The following DYNC2H1 variants were observed in gnomAD, a reference collection of about 807,000 sequenced individuals.
DYNC2H1 encodes cytoplasmic dynein 2 heavy chain 1.
Under a neutral mutation model 570.0 loss-of-function variants are expected in DYNC2H1, and 410 were observed. The observed-to-expected ratio is 0.72, with a 90% CI of 0.66 to 0.78. The LOEUF is 0.78. Among genes scored for constraint, DYNC2H1 ranks in the 30% least tolerant of loss-of-function variants. The pLI is 0.00. For synonymous variants in DYNC2H1, 1,688 were observed against 1,677.6 expected (o/e 1.01, Z -0.15); for missense variants, 4,865 against 5,046.4 (o/e 0.96, Z 1.09).
intron 5 of DYNC2H1, among the ~76,000 whole-genome samples, chr11:103,117,389 C>G (rs1226948951): frequency 6.6e-6 from 1 of 150,916 alleles, no homozygotes; most frequent in Non-Finnish European, 1.5e-5. Flanking sequence ...TATTTCTATA[C>G]TTAAAAGGTG....
At chr11:103,345,409 A>G (rs1487088630) in intron 82 of DYNC2H1, among the ~76,000 whole-genome samples, 1 of 152,110 alleles carries the variant, frequency 6.6e-6, no homozygotes, top group Non-Finnish European at 1.5e-5. Flanking sequence ...AATTGTTTTT[A>G]GTGGTTGTAC....
In DYNC2H1 at chr11:103,145,176, C is replaced by T. The variant is rs1164241932; in HGVS notation, c.2702+1781C>T. Among the ~76,000 whole-genome samples the T allele has an allele frequency of 2.2e-4, 34 of 152,006 alleles. No homozygotes were observed. The highest frequency in any genetic ancestry group is 4.1e-4 in the South Asian group (2 of 4,826). On this transcript the variant is annotated intron_variant, in intron 18 of 88. Coordinates refer to ENST00000375735, the MANE Select transcript of DYNC2H1 (RefSeq NM_001377.3). This position sits in a 1 kb window ranked among gnomAD's most constrained non-coding sequence, Gnocchi z 4.2. ...GATTACAGGCATGAACCACCATGCC[C>T]GGCCATAATAATTAATTGAATTATC...
chr11:103,195,817 A>C (rs1862489196), intron 47 of DYNC2H1, among the ~76,000 whole-genome samples: 1 of 152,108 alleles, frequency 6.6e-6, no homozygotes, highest in Admixed American at 6.6e-5. Flanking sequence ...TTCTTTCATT[A>C]GTTTTGTGTA....
At chr11:103,218,593 C>A (rs1035563065) in intron 55 of DYNC2H1, among the ~76,000 whole-genome samples, 1 of 151,986 alleles carries the variant, frequency 6.6e-6, no homozygotes, top group African/African-American at 2.4e-5. Context: ...CTGTTGATTA[C>A]CATGTGTTTA....
chr11:103,239,150 A>G lies in DYNC2H1; in HGVS notation c.9819+2611A>G, dbSNP rs960686136. On this transcript the variant is annotated intron_variant, in intron 63 of 88. Coordinates refer to ENST00000375735, the MANE Select transcript of DYNC2H1 (RefSeq NM_001377.3). This position sits in a 1 kb window ranked among gnomAD's most constrained non-coding sequence, Gnocchi z 4.3. ...TTATATGGGTTTTTCTTGTGATGAC[A>G]TCTATTGAATATTTGTGTTTTATTG... Among the ~76,000 whole-genome samples the G allele has an allele frequency of 2.0e-5, 3 of 152,200 alleles. No homozygotes were observed. Among genetic ancestry groups the G allele is most frequent in the Admixed American group, 6.6e-5 (1 of 15,262 alleles).
intron 9 of DYNC2H1, 46 bp downstream of exon 9, chr11:103,121,082 G>A (rs1171383321): frequency 1.6e-6 from 2 of 1,260,216 alleles, no homozygotes; most frequent in Non-Finnish European, 2.1e-6. Context: ...GAATATTTTT[G>A]TATATTACTT....
chr11:103,144,802 T>C (rs1006475568), intron 18 of DYNC2H1, among the ~76,000 whole-genome samples: 10 of 152,126 alleles, frequency 6.6e-5, no homozygotes, highest in Admixed American at 6.5e-4. Context: ...AACACAGATA[T>C]ACGGTGGGAT....
chr11:103,297,741 T>C (rs1866894397), intron 75 of DYNC2H1, among the ~76,000 whole-genome samples: 1 of 152,146 alleles, frequency 6.6e-6, no homozygotes, highest in Non-Finnish European at 1.5e-5. Flanking sequence ...TTTCTTTCTT[T>C]CTATACTCAA....
chr11:103,315,512 C>T (rs1414007152), intron 79 of DYNC2H1, among the ~76,000 whole-genome samples: 1 of 151,616 alleles, frequency 6.6e-6, no homozygotes, highest in Non-Finnish European at 1.5e-5. Context: ...TCATTCTTAA[C>T]AGCCCTCTTT....
intron 83 of DYNC2H1, among the ~76,000 whole-genome samples, chr11:103,381,488 C>T (rs1389225192): frequency 6.6e-6 from 1 of 152,096 alleles, no homozygotes; most frequent in Non-Finnish European, 1.5e-5. Flanking sequence ...CTCGCTTTGT[C>T]ACTCAGGCTG....
intron 47 of DYNC2H1, among the ~76,000 whole-genome samples, chr11:103,193,876 C>G (rs1862415417): frequency 1.3e-5 from 2 of 152,070 alleles, no homozygotes; most frequent in South Asian, 4.1e-4. Context: ...ACAGTTTTGA[C>G]ATATATTAGA....
chr11:103,258,120 G>A (rs1865135250), intron 69 of DYNC2H1, among the ~76,000 whole-genome samples: 1 of 152,116 alleles, frequency 6.6e-6, no homozygotes, highest in East Asian at 1.9e-4. Context: ...TGTTGTTTAA[G>A]GCAGTAACTT....
chr11:103,295,984 C>T (rs940776190), intron 75 of DYNC2H1, among the ~76,000 whole-genome samples: 3 of 152,124 alleles, frequency 2.0e-5, no homozygotes, highest in Non-Finnish European at 2.9e-5. Flanking sequence ...GTGTTCCGCT[C>T]AGTGACAGGA....
chr11:103,290,196 G>A (rs975126242), intron 75 of DYNC2H1, among the ~76,000 whole-genome samples: 13 of 151,746 alleles, frequency 8.6e-5, no homozygotes, highest in Non-Finnish European at 1.6e-4. Flanking sequence ...TTTTTGGGTT[G>A]GGGGGAGACA....
At chr11:103,159,325 G>A (rs572668799) in intron 28 of DYNC2H1, among the ~76,000 whole-genome samples, 4 of 152,226 alleles carry the variant, frequency 2.6e-5, no homozygotes, top group Non-Finnish European at 5.9e-5. Flanking sequence ...GGCGATATCT[G>A]AAGAATGTAT....
At chr11:103,433,522 G>A (rs1232943267) in intron 84 of DYNC2H1, among the ~76,000 whole-genome samples, 1 of 152,090 alleles carries the variant, frequency 6.6e-6, no homozygotes, top group Non-Finnish European at 1.5e-5. Flanking sequence ...TTTCTCACAA[G>A]GCTCAGCTTC....
In DYNC2H1 at chr11:103,252,413, T is replaced by C. The variant is rs2135251420; in HGVS notation, c.10043-872T>C. ...GTCATATGGTAGTTCTGTTTTTAAT[T>C]TCTTTAGGAACCTTCCTACCATTTT... On this transcript the variant is annotated intron_variant, in intron 65 of 88. Transcript: ENST00000375735. This position sits in a 1 kb window ranked among gnomAD's most constrained non-coding sequence, Gnocchi z 4.6. 6.6e-6 allele frequency among the ~76,000 whole-genome samples: 1 copy of C among 152,276 alleles called. No homozygotes were observed. The highest frequency in any genetic ancestry group is 1.9e-4 in the East Asian group (1 of 5,188).
In DYNC2H1 at chr11:103,188,661, G is replaced by C; in HGVS notation, c.7292+13G>C. 6.7e-7 allele frequency: 1 copy of C among 1,499,746 alleles called. No individual in the cohort carries two copies. The highest frequency in any genetic ancestry group is 8.9e-7 in the Non-Finnish European group (1 of 1,119,828). 92.9% of individuals were successfully genotyped at this position (1,499,746 alleles called of 1,614,324 possible). A position where few individuals can be genotyped will look rare whatever the true frequency, so the allele number is the denominator to read the frequency against. On this transcript the variant is annotated intron_variant, in intron 44 of 88. Coordinates refer to ENST00000375735, the MANE Select transcript of DYNC2H1 (RefSeq NM_001377.3). ...TTTGTTCTATAGAGTATGTATCTTT[G>C]TGTTTCAGATTTTTTAATTTGGGAA... is the stretch of plus-strand genomic sequence containing the variant.
At chr11:103,381,210 AAAGT>A (rs1264633885) in intron 83 of DYNC2H1, among the ~76,000 whole-genome samples, 1 of 152,190 alleles carries the variant, frequency 6.6e-6, no homozygotes, top group Non-Finnish European at 1.5e-5. Context: ...GTGTGAATAT[AAAGT>A]AAGAAGAGTC....
Sources: allele counts gnomAD v4.1 joint callset (sites outside exome capture counted in the v4.1 genomes callset), GRCh38; gene constraint gnomAD v4.1.1; non-coding constraint Gnocchi (gnomAD v3.1); transcripts MANE v1.5; gene names NCBI Gene and HGNC (gene_info 2026-07-23, HGNC 2026-07-21).